PXMP2: variants seen among roughly 807,000 people sequenced by gnomAD.
PXMP2 encodes the protein 22 kDa peroxisomal membrane protein.
In PXMP2, 13 loss-of-function variants were observed where a neutral mutation model predicts 20.2. That is an observed-to-expected ratio of 0.64 (90% CI 0.42 to 1.02). PXMP2 has a LOEUF of 1.02. Ranked by LOEUF, PXMP2 falls within the 50% of genes least tolerant of loss-of-function variation. The probability of loss-of-function intolerance (pLI) is 0.00; values close to 1 mark genes in which losing one functional copy is unlikely to be tolerated. For missense variants in PXMP2, 284 were observed against 251.8 expected (o/e 1.13, Z -0.87); for synonymous variants, 113 against 111.2 (o/e 1.02, Z -0.10).
intron 4 of PXMP2, chr12:132,702,655 C>A (rs1303906164): frequency 5.1e-6 from 1 of 196,418 alleles, no homozygotes. Context: ...AAGACAGCAG[C>A]TGTGTGGAGC....
Position 132,703,168 on chromosome 12 carries a change from C to T in PXMP2, c.520-1451C>T, listed in dbSNP as rs567294805. 9.9e-5 allele frequency among the ~76,000 whole-genome samples: 15 copies of T among 152,278 alleles called. No individual in the cohort carries two copies. In the South Asian group the frequency reaches 2.9e-3, roughly 29 times the overall value. On this transcript the variant is annotated intron_variant, in intron 4 of 4. Transcript: ENST00000317479. ...TCTGTGGGGGCCAGGCATGGTGGCT[C>T]ATGCCTGTAATCCCAGAACTTTGAG...
chr12:132,703,098 T>C (rs2043451765), intron 4 of PXMP2, among the ~76,000 whole-genome samples: 1 of 151,810 alleles, frequency 6.6e-6, no homozygotes, highest in Non-Finnish European at 1.5e-5. Context: ...GAAGAGTGGG[T>C]GGGAATTATT....
intron 4 of PXMP2, chr12:132,702,303 C>T (rs558004337): frequency 5.9e-5 from 11 of 186,690 alleles, no homozygotes; most frequent in Non-Finnish European, 1.2e-4. Flanking sequence ...TGAGCCTTTC[C>T]GCTATCCTGT....
chr12:132,694,693 C>CAGTT (rs1326838739), intron 2 of PXMP2, among the ~76,000 whole-genome samples: 2 of 121,980 alleles, frequency 1.6e-5, no homozygotes, highest in South Asian at 2.9e-4. Context: ...CTCCCTTAGC[C>CAGTT]AGTTAGTGAG....
chr12:132,694,409 TGCCAGTTAGTGAGCTCCCTTA>T (rs2043395544), intron 2 of PXMP2, among the ~76,000 whole-genome samples: 3 of 83,908 alleles, frequency 3.6e-5, no homozygotes, highest in African/African-American at 1.4e-4. Flanking sequence ...TGAGCGCCCT[TGCCAGTTAGTGAGCTCCCTTA>T]GCCAGTTAGT....
Position 132,690,259 on chromosome 12 carries a change from A to G in PXMP2, c.123-4A>G. 1 of 1,612,128 alleles carries G rather than the reference A, an allele frequency of 6.2e-7. No homozygotes were observed. The highest frequency in any genetic ancestry group is 8.5e-7 in the Non-Finnish European group (1 of 1,178,276). ...CTGTTTTCTGATGACCTCCCTCTCC[A>G]CAGTGGCATTTTGTCAGCACTTGGG... On this transcript the variant is annotated splice_polypyrimidine_tract_variant and splice_region_variant and intron_variant, in intron 1 of 4. Transcript: ENST00000317479.
chr12:132,699,042 TCCCATCA>T (rs1447256068), intron 3 of PXMP2, among the ~76,000 whole-genome samples: 1 of 152,198 alleles, frequency 6.6e-6, no homozygotes, highest in African/African-American at 2.4e-5. Context: ...AGCTTTTACT[TCCCATCA>T]CCCAAGTAGT....
At chr12:132,691,887 C>T (rs1457799643) in intron 2 of PXMP2, among the ~76,000 whole-genome samples, 1 of 152,250 alleles carries the variant, frequency 6.6e-6, no homozygotes. Flanking sequence ...CAGCTGGTTC[C>T]ATTCTCTCCC....
chr12:132,691,153 G>A (rs2043364031), intron 2 of PXMP2, among the ~76,000 whole-genome samples: 1 of 150,756 alleles, frequency 6.6e-6, no homozygotes, highest in South Asian at 2.1e-4. Flanking sequence ...CTGGGTTCAC[G>A]CCATTCTCCC....
chr12:132,689,582 C>G (rs1162475928), intron 1 of PXMP2, among the ~76,000 whole-genome samples: 1 of 152,164 alleles, frequency 6.6e-6, no homozygotes, highest in African/African-American at 2.4e-5. Context: ...GAGAAGGTGT[C>G]TAGGTCCGTG....
rs1186759713 is a variant in PXMP2, at chr12:132,697,816, A to G, written c.399+1770A>G. On this transcript the variant is annotated intron_variant, in intron 3 of 4. Transcript: ENST00000317479. ...AGTTTGAGACCCCTACTGATAACAC[A>G]GAAGAGTTCCGGGCCTGGAGGTTAA... Among the ~76,000 whole-genome samples, 5 of 152,196 alleles carry G rather than the reference A, an allele frequency of 3.3e-5. No homozygotes were observed. In the East Asian group the frequency reaches 9.6e-4, roughly 29 times the overall value.
intron 1 of PXMP2, 117 bp downstream of exon 1, chr12:132,687,909 C>T: frequency 1.0e-6 from 1 of 992,176 alleles, no homozygotes; most frequent in South Asian, 4.8e-5. Context: ...GGGTCAGAAC[C>T]CCCGGAGCGG....
At chr12:132,689,489 G>A (rs1311434245) in intron 1 of PXMP2, among the ~76,000 whole-genome samples, 1 of 152,162 alleles carries the variant, frequency 6.6e-6, no homozygotes, top group Admixed American at 6.5e-5. Flanking sequence ...ACTCAGTCCC[G>A]AGGGAGGGAA....
rs145750943 is a variant in PXMP2 at position 132,689,823 on chromosome 12, G to C, written c.123-440G>C. Among the ~76,000 whole-genome samples the C allele has an allele frequency of 2.1e-3, 326 of 152,298 alleles. 2 individuals carry two copies. Among genetic ancestry groups the C allele is most frequent in the African/African-American group, 7.6e-3 (315 of 41,542 alleles). ...GTAGTGCAGTATCGACCAGGGCATT[G>C]CGTGGACACAGTCCACAGATCCTAT... is the stretch of plus-strand genomic sequence containing the variant. On this transcript the variant is annotated intron_variant, in intron 1 of 4. Transcript: ENST00000317479.
intron 4 of PXMP2, among the ~76,000 whole-genome samples, chr12:132,703,190 T>G (rs559792270): frequency 2.6e-5 from 4 of 152,076 alleles, no homozygotes; most frequent in Admixed American, 2.0e-4. Context: ...CCCAGAACTT[T>G]GAGAGGCTGA....
chr12:132,701,429 C>T (rs2043440783), intron 4 of PXMP2, 60 bp downstream of exon 4: 2 of 1,583,918 alleles, frequency 1.3e-6, no homozygotes, highest in African/African-American at 1.4e-5. Flanking sequence ...TCCTTCCTTC[C>T]TTCCTTCCTC....
At chr12:132,698,209 A>T (rs765044173) in intron 3 of PXMP2, among the ~76,000 whole-genome samples, 1 of 151,678 alleles carries the variant, frequency 6.6e-6, no homozygotes, top group Non-Finnish European at 1.5e-5. Flanking sequence ...ACGGGGTTTC[A>T]CCATCTTGGC....
intron 2 of PXMP2, among the ~76,000 whole-genome samples, chr12:132,692,620 G>T (rs1420701010): frequency 3.9e-5 from 5 of 128,924 alleles, no homozygotes; most frequent in Non-Finnish European, 8.0e-5. Context: ...AGCGCCCTTA[G>T]CCAGTTAGAT....
At chr12:132,687,925 C>A in intron 1 of PXMP2, 133 bp downstream of exon 1, 1 of 901,446 alleles carries the variant, frequency 1.1e-6, no homozygotes, top group South Asian at 5.3e-5. Context: ...AGCGGGCGCC[C>A]TCCGACCCGG....
Sources: gnomAD v4.1 joint callset for allele counts (sites outside exome capture counted in the v4.1 genomes callset) on GRCh38, gnomAD v4.1.1 for gene constraint, MANE v1.5 for transcripts, NCBI Gene and HGNC (gene_info 2026-07-23, HGNC 2026-07-21) for gene names.